The following STK3 variants were observed in gnomAD, a reference collection of about 807,000 sequenced individuals.
STK3 encodes serine/threonine kinase 3, also known as serine/threonine-protein kinase 3.
STK3 carries 41 observed loss-of-function variants against 58.0 expected under a neutral mutation model. That is an observed-to-expected ratio of 0.71 (90% confidence interval 0.55 to 0.92). The LOEUF is 0.92. Among genes scored for constraint, STK3 ranks in the 40% least tolerant of loss-of-function variants. The pLI is 0.00. For missense variants in STK3, 479 were observed against 602.7 expected (o/e 0.79, Z 2.15); for synonymous variants, 170 against 191.0 (o/e 0.89, Z 0.91).
At chr8:98,556,444 T>G (rs766154341) in intron 8 of STK3, among the ~76,000 whole-genome samples, 1 of 152,126 alleles carries the variant, frequency 6.6e-6, no homozygotes, top group Non-Finnish European at 1.5e-5. Context: ...TAAGATGCCC[T>G]TGCTCCTTAG....
chr8:98,544,693 C>T (rs1236606711), intron 9 of STK3, among the ~76,000 whole-genome samples: 1 of 140,728 alleles, frequency 7.1e-6, no homozygotes, highest in Non-Finnish European at 1.6e-5. Context: ...CACACACACA[C>T]ACAGCTTGAC....
At chr8:98,366,701 G>C (rs992309534), downstream of STK3, among the ~76,000 whole-genome samples, 1 of 152,124 alleles carries the variant, frequency 6.6e-6, no homozygotes, top group East Asian at 1.9e-4. Context: ...TGATCTATCT[G>C]TCTATTCCTG....
chr8:98,519,637 C>A (rs952260880), intron 10 of STK3, among the ~76,000 whole-genome samples: 2 of 152,136 alleles, frequency 1.3e-5, no homozygotes, highest in Non-Finnish European at 2.9e-5. Context: ...CTTGCTAATG[C>A]AGGCAACAAA....
chr8:98,782,347 C>T (rs1315946016), intron 1 of STK3: 15 of 186,556 alleles, frequency 8.0e-5, no homozygotes, highest in Non-Finnish European at 3.4e-5. Context: ...AGGAATTCTG[C>T]ATCAGCTGCT....
downstream of STK3, chr8:98,880,714 C>T (rs1403253752): frequency 6.6e-6 from 1 of 152,104 alleles, no homozygotes; most frequent in Non-Finnish European, 1.5e-5. Flanking sequence ...GGAAAATAAG[C>T]ATACGAAAAG....
At chr8:98,884,453 A>G (rs952863377) in intron 1 of STK3, among the ~76,000 whole-genome samples, 1 of 152,204 alleles carries the variant, frequency 6.6e-6, no homozygotes, top group Admixed American at 6.5e-5. Context: ...GTAACTTGGT[A>G]CATAAGCATA....
intron 10 of STK3, among the ~76,000 whole-genome samples, chr8:98,517,157 A>G (rs1306379274): frequency 6.6e-6 from 1 of 152,204 alleles, no homozygotes; most frequent in Non-Finnish European, 1.5e-5. Flanking sequence ...ATGAGAAACA[A>G]CATTAGTTTG....
At chr8:98,849,274 C>T (rs1169152551) in intron 3 of STK3, among the ~76,000 whole-genome samples, 2 of 149,948 alleles carry the variant, frequency 1.3e-5, no homozygotes, top group Non-Finnish European at 3.0e-5. Flanking sequence ...AAATCATCAA[C>T]TTATTCCAAT....
chr8:98,394,318 GCTA>G (rs1442309926), intron 3 of STK3, among the ~76,000 whole-genome samples: 2 of 152,104 alleles, frequency 1.3e-5, no homozygotes, highest in Non-Finnish European at 2.9e-5. Flanking sequence ...TACATCCAAG[GCTA>G]CTCTGATTGA....
chr8:98,385,460 C>G (rs1411681027), intron 1 of STK3, among the ~76,000 whole-genome samples: 2 of 152,088 alleles, frequency 1.3e-5, no homozygotes, highest in African/African-American at 4.8e-5. Flanking sequence ...ACGAGAAAGG[C>G]CTGAAAGAAC....
At chr8:98,788,474 T>A (rs1437132106) in intron 1 of STK3, among the ~76,000 whole-genome samples, 8 of 149,482 alleles carry the variant, frequency 5.4e-5, no homozygotes, top group African/African-American at 9.9e-5. Context: ...AAAAAAAAAA[T>A]ACATATATAA....
rs1833458516 is a variant in STK3, at chr8:98,800,470, C to T, written c.26+25045G>A. Among the ~76,000 whole-genome samples, 1 of 152,204 alleles carries T rather than the reference C, an allele frequency of 6.6e-6. No homozygotes were observed. The highest frequency in any genetic ancestry group is 6.5e-5 in the Admixed American group (1 of 15,288). On this transcript the variant is annotated intron_variant, in intron 1 of 10. Transcript: ENST00000419617. The surrounding 1 kb of genome is among the most constrained non-coding windows in gnomAD (Gnocchi z 4.8). ...CTCACTCTCAGCACCTCCTCGGCCT[C>T]GGTGTCCACTCTGGCCACGCTTGAG... is the stretch of plus-strand genomic sequence containing the variant.
chr8:98,510,004 T>C (rs904893499), intron 10 of STK3, among the ~76,000 whole-genome samples: 1 of 152,024 alleles, frequency 6.6e-6, no homozygotes, highest in Non-Finnish European at 1.5e-5. Context: ...TGTTAAATGG[T>C]AACTTAGAAT....
At chr8:98,550,334 A>G (rs1730179699) in intron 8 of STK3, among the ~76,000 whole-genome samples, 1 of 152,144 alleles carries the variant, frequency 6.6e-6, no homozygotes, top group African/African-American at 2.4e-5. Context: ...CAACTATCTA[A>G]TAAGTTGAGG....
chr8:98,738,598 T>C (rs1387960373), intron 4 of STK3, among the ~76,000 whole-genome samples: 1 of 152,244 alleles, frequency 6.6e-6, no homozygotes, highest in Non-Finnish European at 1.5e-5. Context: ...AACATATTTC[T>C]GGATCCGGGA....
At chr8:98,514,013 G>A (rs1304337578) in intron 10 of STK3, among the ~76,000 whole-genome samples, 1 of 152,124 alleles carries the variant, frequency 6.6e-6, no homozygotes, top group Non-Finnish European at 1.5e-5. Flanking sequence ...GCAGCACTTA[G>A]AACCAGATTA....
At chr8:98,621,015 C>T (rs1012273908) in intron 6 of STK3, among the ~76,000 whole-genome samples, 4 of 150,814 alleles carry the variant, frequency 2.7e-5, no homozygotes, top group East Asian at 3.9e-4. Flanking sequence ...CTGCAAGCTC[C>T]GCTTCCCGGG....
chr8:98,600,190 C>T (rs1435902686), intron 6 of STK3, among the ~76,000 whole-genome samples: 1 of 152,102 alleles, frequency 6.6e-6, no homozygotes, highest in Non-Finnish European at 1.5e-5. Context: ...GCCAATGTGC[C>T]AGCCTGGAAA....
chr8:98,675,348 A>C (rs367806959), intron 6 of STK3, among the ~76,000 whole-genome samples: 253 of 152,336 alleles, frequency 1.7e-3, no homozygotes, highest in African/African-American at 5.8e-3. Flanking sequence ...AAATGATGTA[A>C]ATGTGATTCA....
Sources: gnomAD v4.1 joint callset for allele counts (sites outside exome capture counted in the v4.1 genomes callset) on GRCh38, gnomAD v4.1.1 for gene constraint, Gnocchi (gnomAD v3.1) non-coding constraint, MANE v1.5 for transcripts, NCBI Gene and HGNC (gene_info 2026-07-23, HGNC 2026-07-21) for gene names.